FGF12: variants seen among roughly 807,000 people sequenced by gnomAD.
FGF12 encodes fibroblast growth factor 12.
A neutral mutation model predicts 23.6 loss-of-function variants in FGF12; 14 were observed. The observed-to-expected ratio is 0.59, with a 90% confidence interval of 0.39 to 0.93. The LOEUF (loss-of-function observed/expected upper bound fraction) is 0.93, where lower values mean the gene tolerates loss of function less well. FGF12 is among the 40% of genes least tolerant of loss of function. The pLI is 0.00. For missense variants in FGF12, 175 were observed against 217.8 expected (o/e 0.80, Z 1.24); for synonymous variants, 62 against 77.3 (o/e 0.80, Z 1.04).
At chr3:192,516,933 C>T (rs558656434) in intron 2 of FGF12, 1 of 152,302 alleles carries the variant, frequency 6.6e-6, no homozygotes, top group Non-Finnish European at 1.5e-5. Context: ...ATAGAAATTC[C>T]CCACAGAGGG....
At chr3:192,575,681 C>T (rs1712847210) in intron 2 of FGF12, among the ~76,000 whole-genome samples, 1 of 151,680 alleles carries the variant, frequency 6.6e-6, no homozygotes. Context: ...GGTTTTGGTC[C>T]CTCTTAAGCC....
At chr3:192,182,996 A>G (rs998525638) in intron 4 of FGF12, among the ~76,000 whole-genome samples, 1 of 152,244 alleles carries the variant, frequency 6.6e-6, no homozygotes, top group East Asian at 1.9e-4. Context: ...TTATACATTC[A>G]TCTAAACATA....
chr3:192,649,791 C>T (rs970363840), intron 2 of FGF12, among the ~76,000 whole-genome samples: 2 of 151,878 alleles, frequency 1.3e-5, no homozygotes, highest in Non-Finnish European at 2.9e-5. Context: ...AAACCCCTGA[C>T]CTCAAGTGAT....
At chr3:192,412,580 C>CT (rs1394945357) in intron 2 of FGF12, among the ~76,000 whole-genome samples, 1 of 152,150 alleles carries the variant, frequency 6.6e-6, no homozygotes, top group Non-Finnish European at 1.5e-5. Flanking sequence ...TGTCAGAGAG[C>CT]TTTTTGGCTT....
chr3:192,618,061 G>A (rs763707626), intron 2 of FGF12, among the ~76,000 whole-genome samples: 1 of 152,034 alleles, frequency 6.6e-6, no homozygotes, highest in Non-Finnish European at 1.5e-5. Context: ...GCGTTAACTT[G>A]GAAGATAATA....
rs1485732240 is a variant in FGF12, at chr3:192,190,312, T to C, written c.229-19656A>G. ...AAATTCCTTATGTTTCAAAAACTATTTTAAAGGGCAAATGATTAATTCATT... is the reference window on the plus strand; with the variant it reads ...AAATTCCTTATGTTTCAAAAACTATCTTAAAGGGCAAATGATTAATTCATT... On this transcript the variant is annotated intron_variant, in intron 4 of 5. Transcript: ENST00000445105. Among the ~76,000 whole-genome samples, 6 of 152,192 alleles carry C rather than the reference T, an allele frequency of 3.9e-5. No homozygotes were observed. In the East Asian group the frequency reaches 1.2e-3, roughly 29 times the overall value.
intron 4 of FGF12, among the ~76,000 whole-genome samples, chr3:192,174,744 A>T (rs1356985292): frequency 7.5e-6 from 1 of 132,998 alleles, no homozygotes; most frequent in Non-Finnish European, 1.7e-5. Context: ...ACGTGGAGTA[A>T]AAAAAAAAAA....
intron 2 of FGF12, among the ~76,000 whole-genome samples, chr3:192,466,357 T>C (rs889274480): frequency 6.6e-6 from 1 of 152,178 alleles, no homozygotes; most frequent in Non-Finnish European, 1.5e-5. Flanking sequence ...GTATGCGTGG[T>C]CTTCGAGATC....
At chr3:192,407,533 A>T (rs1483191425) in intron 2 of FGF12, among the ~76,000 whole-genome samples, 1 of 152,164 alleles carries the variant, frequency 6.6e-6, no homozygotes, top group East Asian at 1.9e-4. Flanking sequence ...AATAAATTTA[A>T]GTTCATCTGG....
Position 192,408,387 on chromosome 3 carries a change from T to G in FGF12, c.14-47849A>C, listed in dbSNP as rs1576959091. On this transcript the variant is annotated intron_variant, in intron 2 of 5. Coordinates refer to ENST00000445105, the MANE Select transcript of FGF12 (RefSeq NM_004113.6). This position sits in a 1 kb window ranked among gnomAD's most constrained non-coding sequence, Gnocchi z 7.3. ...TATCGAAAACCCGGCGCTCACAAGG[T>G]TAGTCAAAGTCTGGGCAGTGGCGAC... 1.4e-6 allele frequency: 2 copies of G among 1,419,920 alleles called. No homozygotes were observed. Among genetic ancestry groups the G allele is most frequent in the Non-Finnish European group, 1.8e-6 (2 of 1,091,370 alleles). 88.0% of individuals were successfully genotyped at this position (1,419,920 alleles called of 1,614,324 possible).
At chr3:192,159,253 A>G (rs1714728011) in intron 5 of FGF12, among the ~76,000 whole-genome samples, 1 of 152,194 alleles carries the variant, frequency 6.6e-6, no homozygotes, top group African/African-American at 2.4e-5. Context: ...ACTACTGACC[A>G]CGAGTTACAA....
Position 192,409,081 on chromosome 3 carries a change from G to T in FGF12, c.14-48543C>A. The T allele has an allele frequency of 1.6e-6, 1 of 611,046 alleles. No homozygotes were observed. The highest frequency in any genetic ancestry group is 2.0e-6 in the Non-Finnish European group (1 of 488,198). The allele number at this position is 611,046 out of a possible 1,614,324, so 37.9% of individuals were successfully genotyped here. A position where few individuals can be genotyped will look rare whatever the true frequency, so the allele number is the denominator to read the frequency against. On this transcript the variant is annotated intron_variant, in intron 2 of 5. Transcript: ENST00000445105. This position sits in a 1 kb window ranked among gnomAD's most constrained non-coding sequence, Gnocchi z 4.8. ...AGAGCGGGAGGCGAGGGAGGGGGGAGGGCGCGAGGGAGGGAGGGAGATCCT... is the reference window on the plus strand; with the variant it reads ...AGAGCGGGAGGCGAGGGAGGGGGGATGGCGCGAGGGAGGGAGGGAGATCCT...
chr3:192,359,049 G>C (rs925359105), intron 3 of FGF12, among the ~76,000 whole-genome samples: 1 of 152,072 alleles, frequency 6.6e-6, no homozygotes, highest in African/African-American at 2.4e-5. Flanking sequence ...AGTACATGGA[G>C]AGAAAAGTAT....
chr3:192,245,978 TAAAAACTTAAAA>T (rs1220863117), intron 4 of FGF12, among the ~76,000 whole-genome samples: 11 of 152,182 alleles, frequency 7.2e-5, no homozygotes, highest in African/African-American at 2.7e-4. Flanking sequence ...AAAAAACACT[TAAAAACTTAAAA>T]AACATTAAAA....
chr3:192,488,753 CT>C (rs1488401482), intron 2 of FGF12, among the ~76,000 whole-genome samples: 1 of 152,018 alleles, frequency 6.6e-6, no homozygotes, highest in African/African-American at 2.4e-5. Context: ...ATTCCTAAGA[CT>C]TGTTTAAAAC....
At chr3:192,521,783 T>C (rs1724819922) in intron 2 of FGF12, among the ~76,000 whole-genome samples, 2 of 152,194 alleles carry the variant, frequency 1.3e-5, no homozygotes, top group African/African-American at 4.8e-5. Context: ...TAGGATTTAT[T>C]TTATTCAGCT....
intron 4 of FGF12, among the ~76,000 whole-genome samples, chr3:192,235,849 T>C (rs1328809563): frequency 6.6e-6 from 1 of 152,178 alleles, no homozygotes; most frequent in Non-Finnish European, 1.5e-5. Context: ...TTTCATGTCT[T>C]AATTTCATTC....
chr3:192,391,813 G>A (rs1710086498), intron 2 of FGF12, among the ~76,000 whole-genome samples: 1 of 152,202 alleles, frequency 6.6e-6, no homozygotes, highest in South Asian at 2.1e-4. Context: ...TGACATGTCA[G>A]TTTTTCAATA....
intron 2 of FGF12, among the ~76,000 whole-genome samples, chr3:192,540,553 C>A (rs2108576318): frequency 6.6e-6 from 1 of 152,122 alleles, no homozygotes; most frequent in African/African-American, 2.4e-5. Context: ...TGTTTTGTGA[C>A]CTGACATAAG....
Sources: gnomAD v4.1 joint callset for allele counts (sites outside exome capture counted in the v4.1 genomes callset) on GRCh38, gnomAD v4.1.1 for gene constraint, Gnocchi (gnomAD v3.1) non-coding constraint, MANE v1.5 for transcripts, NCBI Gene and HGNC (gene_info 2026-07-23, HGNC 2026-07-21) for gene names.